Variants in SCN9A observed in about 807,000 individuals in gnomAD.
SCN9A encodes sodium channel protein type 9 subunit alpha.
A neutral mutation model predicts 187.0 loss-of-function variants in SCN9A; 131 were observed. The ratio of observed to expected loss-of-function variants is 0.70; its 90% CI spans 0.61 to 0.81. The LOEUF is 0.81. Among genes scored for constraint, SCN9A ranks in the 30% least tolerant of loss-of-function variants. The pLI is 0.00. For synonymous variants in SCN9A, 809 were observed against 808.6 expected, an observed-to-expected ratio of 1.00 and a Z score of -0.01; for missense variants, 2,252 against 2,396.6, an observed-to-expected ratio of 0.94 and a Z score of 1.26.
chr2:166,257,428 C>A (rs1696327626), intron 17 of SCN9A, among the ~76,000 whole-genome samples: 1 of 151,502 alleles, frequency 6.6e-6, no homozygotes, highest in Non-Finnish European at 1.5e-5. Flanking sequence ...TGAAGGAGGG[C>A]AAGGAAAAGT....
At chr2:166,233,064 A>G (rs901463800) in intron 21 of SCN9A, among the ~76,000 whole-genome samples, 7 of 147,436 alleles carry the variant, frequency 4.7e-5, no homozygotes, top group Non-Finnish European at 8.9e-5. Flanking sequence ...GCATATATAT[A>G]CTATTAGTGT....
chr2:166,316,745 A>G (rs572544925), intron 1 of SCN9A, among the ~76,000 whole-genome samples: 2 of 152,334 alleles, frequency 1.3e-5, no homozygotes, highest in African/African-American at 4.8e-5. Flanking sequence ...TGTAATATCT[A>G]TCAAAAGCCT....
In SCN9A at chr2:166,290,415, T is replaced by C. The variant is rs376329574; in HGVS notation, c.1108-1772A>G. ...GTCTTTGTAGTAGAATGATTTATATTCGTTTCGGTATATACCCAGTAATGG... is the reference window on the plus strand; with the variant it reads ...GTCTTTGTAGTAGAATGATTTATATCCGTTTCGGTATATACCCAGTAATGG... On this transcript the variant is annotated intron_variant, in intron 9 of 26. Transcript: ENST00000642356. 3.3e-5 allele frequency among the ~76,000 whole-genome samples: 5 copies of C among 152,210 alleles called. No individual in the cohort carries two copies. The South Asian group carries it at 1.0e-3, about 32-fold the overall frequency.
In SCN9A at chr2:166,278,221, G is replaced by A; in HGVS notation, c.2436C>T (p.Asp812=). Residue 812 remains aspartate, a synonymous_variant, in exon 15 of 27, where the codon GAC becomes GAT. Coordinates refer to ENST00000642356, the MANE Select transcript of SCN9A (RefSeq NM_001365536.1). ...CTAAACTTAAAGTCACAATAAGGCT[G>A]TCAAAAATATTCCAGCCTACTTGGA... The part of the protein sequence containing the change: ...EYFQVGWNIF[D]SLIVTLSLVE... 2.5e-6 allele frequency: 4 copies of A among 1,612,818 alleles called. No homozygotes were observed. The South Asian group carries it at 4.4e-5, about 18-fold the overall frequency.
chr2:166,260,083 C>T (rs1208518098), intron 17 of SCN9A, among the ~76,000 whole-genome samples: 1 of 151,710 alleles, frequency 6.6e-6, no homozygotes, highest in African/African-American at 2.4e-5. Flanking sequence ...GAAGGTAAAT[C>T]TAAAACTTTG....
At chr2:166,269,434 T>G (rs904166163) in intron 17 of SCN9A, among the ~76,000 whole-genome samples, 3 of 152,006 alleles carry the variant, frequency 2.0e-5, no homozygotes, top group Non-Finnish European at 4.4e-5. Flanking sequence ...GGAATGTTTG[T>G]TTTGTGTTTC....
chr2:166,329,137 T>C (rs997170216), intron 1 of SCN9A, among the ~76,000 whole-genome samples: 6 of 152,304 alleles, frequency 3.9e-5, no homozygotes, highest in Admixed American at 1.3e-4. Context: ...CATTATTATT[T>C]GCATTAATTT....
At chr2:166,319,140 G>A (rs896329689) in intron 1 of SCN9A, among the ~76,000 whole-genome samples, 2 of 151,962 alleles carry the variant, frequency 1.3e-5, no homozygotes, top group Non-Finnish European at 2.9e-5. Flanking sequence ...AAATTAGATT[G>A]CCATTAAAAT....
chr2:166,211,290 G>A (rs1443354955), intron 24 of SCN9A, among the ~76,000 whole-genome samples: 1 of 151,902 alleles, frequency 6.6e-6, no homozygotes, highest in Non-Finnish European at 1.5e-5. Context: ...TAATATACCT[G>A]GAAAAACTGT....
chr2:166,226,917 T>C (rs1008628026), intron 23 of SCN9A, among the ~76,000 whole-genome samples: 1 of 152,050 alleles, frequency 6.6e-6, no homozygotes, highest in Non-Finnish European at 1.5e-5. Context: ...TACATACTTA[T>C]GTAATAAATA....
chr2:166,244,234 TACATGTATCTGCTGA>T (rs1695690324), intron 18 of SCN9A, among the ~76,000 whole-genome samples: 1 of 152,028 alleles, frequency 6.6e-6, no homozygotes, highest in African/African-American at 2.4e-5. Context: ...ATAATTAGCA[TACATGTATCTGCTGA>T]AGTCAGAACA....
At chr2:166,359,103 C>T (rs1168980525) in intron 1 of SCN9A, among the ~76,000 whole-genome samples, 1 of 152,082 alleles carries the variant, frequency 6.6e-6, no homozygotes, top group Non-Finnish European at 1.5e-5. Flanking sequence ...TTCCAATGAA[C>T]TATCTATGTA....
intron 2 of SCN9A, 89 bp downstream of exon 2, chr2:166,311,410 T>C: frequency 1.3e-6 from 1 of 793,926 alleles, no homozygotes. Context: ...ATATGGTTAT[T>C]CACTAAATTT....
chr2:166,195,789 CT>C lies in SCN9A; in HGVS notation c.*2882del, dbSNP rs763567510. The C allele has an allele frequency of 1.3e-5, 2 of 152,170 alleles. No individual in the cohort carries two copies. Among genetic ancestry groups the C allele is most frequent in the South Asian group, 2.1e-4 (1 of 4,830 alleles). 9.4% of individuals were successfully genotyped at this position (152,170 alleles called of 1,614,324 possible). On this transcript the variant is annotated 3_prime_UTR_variant, in exon 27 of 27. Coordinates refer to ENST00000642356, the MANE Select transcript of SCN9A (RefSeq NM_001365536.1). Reference sequence around the variant, plus strand: ...CTGTTTGGGGCATGGTGGCTCATGCCTGTAACCCCAGCATGTTGGCAGGTCA... The same window carrying C: ...CTGTTTGGGGCATGGTGGCTCATGCCGTAACCCCAGCATGTTGGCAGGTCA...
At chr2:166,301,415 T>G (rs563122533) in intron 7 of SCN9A, 1 of 150,942 alleles carries the variant, frequency 6.6e-6, no homozygotes, top group East Asian at 1.9e-4. Context: ...GTCACTCCCT[T>G]TTTCTGTCTA....
Position 166,197,125 on chromosome 2 carries a change from C to T in SCN9A, c.*1547G>A, listed in dbSNP as rs199568299. The T allele has an allele frequency of 6.6e-6, 1 of 151,824 alleles. No homozygotes were observed. 9.4% of individuals were successfully genotyped at this position (151,824 alleles called of 1,614,324 possible). ...TTGTTTTATATATTTGCTTCAAAAC[C>T]TCCCACAAAAATCTTCTAAGTAAAA... is the stretch of plus-strand genomic sequence containing the variant. On this transcript the variant is annotated 3_prime_UTR_variant, in exon 27 of 27. Transcript: ENST00000642356.
chr2:166,335,591 G>A (rs1302643686), intron 1 of SCN9A, among the ~76,000 whole-genome samples: 1 of 152,140 alleles, frequency 6.6e-6, no homozygotes, highest in Non-Finnish European at 1.5e-5. Context: ...ATAGGGGCAG[G>A]CACTGACAGG....
intron 20 of SCN9A, 77 bp from the exon 21 acceptor site, chr2:166,233,539 A>C: frequency 2.1e-5 from 23 of 1,114,770 alleles, no homozygotes; most frequent in African/African-American, 3.3e-5. Flanking sequence ...TCTGAAACTC[A>C]CTAAAAGCAA....
At chr2:166,374,232 T>C (rs1429733804) in intron 1 of SCN9A, among the ~76,000 whole-genome samples, 2 of 152,202 alleles carry the variant, frequency 1.3e-5, no homozygotes, top group Non-Finnish European at 2.9e-5. Flanking sequence ...CCAGTCACTG[T>C]AAAAACACAT....
Sources: gnomAD v4.1 joint callset for allele counts (sites outside exome capture counted in the v4.1 genomes callset) on GRCh38, gnomAD v4.1.1 for gene constraint, MANE v1.5 for transcripts, NCBI Gene and HGNC (gene_info 2026-07-23, HGNC 2026-07-21) for gene names.